Variants in SLC7A7 observed in about 807,000 individuals in gnomAD.
SLC7A7 encodes the protein Y+L amino acid transporter 1.
In SLC7A7, 39 loss-of-function variants were observed where a neutral mutation model predicts 47.9. That is an observed-to-expected ratio of 0.81 (90% CI 0.63 to 1.06). The LOEUF (loss-of-function observed/expected upper bound fraction) is 1.06. SLC7A7 is among the 50% of genes least tolerant of loss of function. The pLI, the probability that SLC7A7 is intolerant of heterozygous loss-of-function variation, is 0.00. For synonymous variants in SLC7A7, 234 were observed against 242.8 expected (o/e 0.96, Z 0.34); for missense variants, 588 against 632.0 (o/e 0.93, Z 0.75).
At position 22,815,317 on chromosome 14, in the gene SLC7A7, C is replaced by G. The variant is rs2039389477; in HGVS notation, c.-43+3G>C. The stretch of plus-strand genomic sequence containing the variant: ...ATGAGAAGAGGGTGGAACGCACACT[C>G]ACTCCTTGGTCCTGGATATAAGCAG... On this transcript the variant is annotated splice_donor_region_variant and intron_variant, in intron 1 of 9. Coordinates refer to ENST00000674313, the MANE Select transcript of SLC7A7 (RefSeq NM_003982.4). The G allele has an allele frequency of 6.6e-6, 3 of 452,604 alleles. No individual in the cohort carries two copies. Among genetic ancestry groups the G allele is most frequent in the Non-Finnish European group, 1.3e-5 (3 of 225,218 alleles). 28.0% of individuals were successfully genotyped at this position (452,604 alleles called of 1,614,324 possible). A position where few individuals can be genotyped will look rare whatever the true frequency, so the allele number is the denominator to read the frequency against.
intron 2 of SLC7A7, among the ~76,000 whole-genome samples, chr14:22,785,321 C>T (rs1325440783): frequency 6.6e-6 from 1 of 152,158 alleles, no homozygotes; most frequent in African/African-American, 2.4e-5. Context: ...CTTCCTTTTA[C>T]TAAGCCAACA....
At chr14:22,789,696 G>A (rs888158523) in intron 2 of SLC7A7, among the ~76,000 whole-genome samples, 3 of 151,674 alleles carry the variant, frequency 2.0e-5, no homozygotes, top group African/African-American at 7.3e-5. Context: ...ACAAAACAGG[G>A]AAATCATTCT....
chr14:22,792,419 T>A (rs1470840126), intron 2 of SLC7A7, among the ~76,000 whole-genome samples: 1 of 152,002 alleles, frequency 6.6e-6, no homozygotes, highest in Non-Finnish European at 1.5e-5. Flanking sequence ...ACAAATTAGC[T>A]GGACTTGGTG....
chr14:22,777,142 T>TAAAAA (rs35326556), intron 4 of SLC7A7, among the ~76,000 whole-genome samples: 1 of 64,142 alleles, frequency 1.6e-5, no homozygotes. Context: ...AGACCCTGTC[T>TAAAAA]AAAAAAAAAA....
intron 2 of SLC7A7, among the ~76,000 whole-genome samples, chr14:22,795,720 G>T (rs907352177): frequency 6.6e-6 from 1 of 150,526 alleles, no homozygotes; most frequent in African/African-American, 2.4e-5. Context: ...TGATCTGCCC[G>T]CCTCGGCCTC....
intron 2 of SLC7A7, among the ~76,000 whole-genome samples, chr14:22,789,561 G>C (rs1594959031): frequency 6.6e-6 from 1 of 151,468 alleles, no homozygotes; most frequent in East Asian, 1.9e-4. Flanking sequence ...CCAGGAGGCG[G>C]AGGTTGCAGT....
intron 2 of SLC7A7, among the ~76,000 whole-genome samples, chr14:22,784,428 G>C (rs957668981): frequency 1.3e-5 from 2 of 152,094 alleles, no homozygotes; most frequent in African/African-American, 4.8e-5. Flanking sequence ...GACCATCCTG[G>C]CCAACATGGT....
chr14:22,811,493 A>G (rs746456754), intron 2 of SLC7A7, among the ~76,000 whole-genome samples: 3 of 152,220 alleles, frequency 2.0e-5, no homozygotes, highest in Non-Finnish European at 4.4e-5. Context: ...ACAGATTTAA[A>G]TAATGTTTTA....
rs773857612 is a variant in SLC7A7 at position 22,773,500 on chromosome 14, A to G, written c.*110T>C. On this transcript the variant is annotated 3_prime_UTR_variant, in exon 10 of 10. Coordinates refer to ENST00000674313, the MANE Select transcript of SLC7A7 (RefSeq NM_003982.4). ...TTCAAAGGTTGAAGCTGCCTAGGCC[A>G]GGCTTCTGGACAGGTGCCTCCAAAG... 1.5e-5 allele frequency: 13 copies of G among 886,248 alleles called. No homozygotes were observed. The highest frequency in any genetic ancestry group is 2.1e-4 in the Middle Eastern group (1 of 4,704). 54.9% of individuals were successfully genotyped at this position (886,248 alleles called of 1,614,324 possible). A position where few individuals can be genotyped will look rare whatever the true frequency, so the allele number is the denominator to read the frequency against.
At chr14:22,806,889 T>C (rs1251042019) in intron 2 of SLC7A7, among the ~76,000 whole-genome samples, 1 of 139,386 alleles carries the variant, frequency 7.2e-6, no homozygotes, top group African/African-American at 2.6e-5. Context: ...GAAAGTCCAC[T>C]GTTAACTTTT....
At chr14:22,787,024 T>C (rs987770484) in intron 2 of SLC7A7, among the ~76,000 whole-genome samples, 7 of 152,250 alleles carry the variant, frequency 4.6e-5, no homozygotes, top group African/African-American at 1.7e-4. Context: ...TGCATTATTC[T>C]TATATGATAT....
rs1233992461 is a variant in SLC7A7 at position 22,815,353 on chromosome 14, C to CAGTGTG, written c.-82_-77dup. The stretch of plus-strand genomic sequence containing the variant: ...CCTGGATATAAGCAGGTTCTCACGG[C>CAGTGTG]AGTGTGAGCAGCAGTCAGGGAGAGA... On this transcript the variant is annotated 5_prime_UTR_variant, in exon 1 of 10. Transcript: ENST00000674313. 2 of 454,538 alleles carry CAGTGTG rather than the reference C, an allele frequency of 4.4e-6. No individual in the cohort carries two copies. Among genetic ancestry groups the CAGTGTG allele is most frequent in the Non-Finnish European group, 8.8e-6 (2 of 226,776 alleles). The allele number at this position is 454,538 out of a possible 1,614,324, so 28.2% of individuals were successfully genotyped here. A position where few individuals can be genotyped will look rare whatever the true frequency, so the allele number is the denominator to read the frequency against.
rs187998386 is a variant in SLC7A7 at position 22,807,113 on chromosome 14, A to G, written c.499+5787T>C. Among the ~76,000 whole-genome samples, 429 of 152,026 alleles carry G rather than the reference A, an allele frequency of 2.8e-3. 4 individuals carry two copies. The highest frequency in any genetic ancestry group is 9.7e-3 in the African/African-American group (403 of 41,470). Reference sequence around the variant, plus strand: ...ACGGGATTTCACTGTGTTAGCCAGGATGGTCTCAATCTCCTGACCTCGAGA... The same window carrying G: ...ACGGGATTTCACTGTGTTAGCCAGGGTGGTCTCAATCTCCTGACCTCGAGA... On this transcript the variant is annotated intron_variant, in intron 2 of 9. Coordinates refer to ENST00000674313, the MANE Select transcript of SLC7A7 (RefSeq NM_003982.4).
At chr14:22,789,089 T>C (rs1406051402) in intron 2 of SLC7A7, among the ~76,000 whole-genome samples, 1 of 152,222 alleles carries the variant, frequency 6.6e-6, no homozygotes, top group Admixed American at 6.5e-5. Context: ...TCATACACGT[T>C]ACTAATGATT....
intron 7 of SLC7A7, among the ~76,000 whole-genome samples, chr14:22,774,843 A>G (rs1449717942): frequency 1.3e-5 from 2 of 152,176 alleles, no homozygotes; most frequent in Non-Finnish European, 2.9e-5. Context: ...CCCTGTTCTG[A>G]AAATCCAAAA....
chr14:22,776,933 C>T (rs1443496418), intron 4 of SLC7A7, among the ~76,000 whole-genome samples: 2 of 150,930 alleles, frequency 1.3e-5, no homozygotes, highest in African/African-American at 2.4e-5. Context: ...TGTGCCACTG[C>T]ACTCCAGCAT....
chr14:22,816,031 GACT>G, upstream of SLC7A7: 1 of 211,444 alleles, frequency 4.7e-6, no homozygotes, highest in Non-Finnish European at 9.9e-6. Flanking sequence ...CTGAGCCTCA[GACT>G]ACTTCAAAAG....
intron 2 of SLC7A7, among the ~76,000 whole-genome samples, chr14:22,784,616 C>T (rs1276546200): frequency 7.3e-6 from 1 of 136,482 alleles, no homozygotes; most frequent in Non-Finnish European, 1.6e-5. Flanking sequence ...GACTCCATCT[C>T]AAAAAAAAAA....
At chr14:22,796,113 C>T (rs1340709000) in intron 2 of SLC7A7, among the ~76,000 whole-genome samples, 1 of 152,104 alleles carries the variant, frequency 6.6e-6, no homozygotes, top group Non-Finnish European at 1.5e-5. Context: ...TCTTCACCTC[C>T]ACCCTCAGAT....
Sources: allele counts gnomAD v4.1 joint callset (sites outside exome capture counted in the v4.1 genomes callset), GRCh38; gene constraint gnomAD v4.1.1; transcripts MANE v1.5; gene names NCBI Gene and HGNC (gene_info 2026-07-23, HGNC 2026-07-21).